Variants in ARHGAP19 observed in about 807,000 individuals in gnomAD.
ARHGAP19 encodes Rho GTPase activating protein 19.
In ARHGAP19, 48 loss-of-function variants were observed where a neutral mutation model predicts 60.9. The ratio of observed to expected loss-of-function variants is 0.79; its 90% CI spans 0.62 to 1.00. ARHGAP19 has a LOEUF of 1.00. Among genes scored for constraint, ARHGAP19 ranks in the 50% least tolerant of loss-of-function variants. The pLI is 0.00. For missense variants in ARHGAP19, 562 were observed against 597.2 expected (o/e 0.94, Z 0.61); for synonymous variants, 209 against 215.5 (o/e 0.97, Z 0.27).
At position 97,223,369 on chromosome 10, in the gene ARHGAP19, T is replaced by C. The variant is rs1228855411; in HGVS notation, c.*2753A>G. The C allele has an allele frequency of 1.3e-5, 2 of 152,200 alleles. No individual in the cohort carries two copies. Among genetic ancestry groups the C allele is most frequent in the East Asian group, 1.9e-4 (1 of 5,194 alleles). The allele number at this position is 152,200 out of a possible 1,614,324, so 9.4% of individuals were successfully genotyped here. ...AGCAGGGTTTTTCACACCAGATTCA[T>C]TGGTCCCAATGCAAAAGTCTATCAT... On this transcript the variant is annotated 3_prime_UTR_variant, in exon 12 of 12. Transcript: ENST00000358531.
In ARHGAP19 at chr10:97,249,981, T is replaced by C. The variant is rs560276652; in HGVS notation, c.928-3644A>G. 8.1e-4 allele frequency among the ~76,000 whole-genome samples: 123 copies of C among 152,180 alleles called. 1 individual carries two copies. The highest frequency in any genetic ancestry group is 1.4e-3 in the South Asian group (7 of 4,828). Reference sequence around the variant, plus strand: ...TTGTATTTTTAGTAGAGACGGGGTTTCACCGTGTTAGCCAGGATGGTCTCG... The same window carrying C: ...TTGTATTTTTAGTAGAGACGGGGTTCCACCGTGTTAGCCAGGATGGTCTCG... On this transcript the variant is annotated intron_variant, in intron 6 of 11. Coordinates refer to ENST00000358531, the MANE Select transcript of ARHGAP19 (RefSeq NM_032900.6).
chr10:97,285,400 C>T (rs561795803), intron 1 of ARHGAP19, among the ~76,000 whole-genome samples: 42 of 151,574 alleles, frequency 2.8e-4, no homozygotes, highest in Admixed American at 9.2e-4. Flanking sequence ...TGGCGGCATT[C>T]TAGCTTATTG....
intron 1 of ARHGAP19, among the ~76,000 whole-genome samples, chr10:97,284,349 C>A (rs1406483237): frequency 2.6e-5 from 4 of 152,128 alleles, no homozygotes; most frequent in Non-Finnish European, 2.9e-5. Context: ...TCTCGAACTA[C>A]TGACCTCAAG....
intron 1 of ARHGAP19, among the ~76,000 whole-genome samples, chr10:97,266,803 T>G (rs1842904326): frequency 6.6e-6 from 1 of 152,120 alleles, no homozygotes; most frequent in Non-Finnish European, 1.5e-5. Context: ...CTCATGAGAC[T>G]TATTCACGCA....
chr10:97,242,601 C>T (rs906267938), intron 8 of ARHGAP19, among the ~76,000 whole-genome samples: 5 of 152,256 alleles, frequency 3.3e-5, no homozygotes, highest in South Asian at 4.1e-4. Context: ...CAACCTCTAC[C>T]TCCTGGGTTC....
intron 8 of ARHGAP19, among the ~76,000 whole-genome samples, chr10:97,243,623 C>A (rs1842520838): frequency 6.6e-6 from 1 of 152,164 alleles, no homozygotes; most frequent in Non-Finnish European, 1.5e-5. Flanking sequence ...ATTTTACAAA[C>A]AAAACTGAAA....
intron 4 of ARHGAP19, among the ~76,000 whole-genome samples, chr10:97,260,209 G>A (rs1337420243): frequency 6.6e-6 from 1 of 151,146 alleles, no homozygotes. Flanking sequence ...AGAAGGCTTT[G>A]TATGCTCAGT....
intron 6 of ARHGAP19, among the ~76,000 whole-genome samples, chr10:97,246,893 T>A (rs1036430965): frequency 6.6e-6 from 1 of 151,878 alleles, no homozygotes; most frequent in Non-Finnish European, 1.5e-5. Flanking sequence ...ATCCCAGCAC[T>A]ATGGGAGGCC....
chr10:97,255,736 G>A (rs1464535794), intron 6 of ARHGAP19, among the ~76,000 whole-genome samples: 8 of 152,074 alleles, frequency 5.3e-5, no homozygotes, highest in African/African-American at 1.9e-4. Context: ...GAGTAAGAGC[G>A]TACCTCACAG....
intron 11 of ARHGAP19, 49 bp downstream of exon 11, chr10:97,229,098 C>T (rs748910200): frequency 2.0e-6 from 3 of 1,497,462 alleles, no homozygotes; most frequent in East Asian, 4.5e-5. Flanking sequence ...TGACTAGATG[C>T]AGAAAGGAAT....
At chr10:97,278,534 G>A (rs538637664) in intron 1 of ARHGAP19, among the ~76,000 whole-genome samples, 1 of 152,266 alleles carries the variant, frequency 6.6e-6, no homozygotes, top group South Asian at 2.1e-4. Context: ...ATTGAGAAGA[G>A]TGTGCCAAAT....
In ARHGAP19 at chr10:97,292,632, G is replaced by A. The variant is rs755455939; in HGVS notation, c.-5C>T. The stretch of plus-strand genomic sequence containing the variant: ...ACTCTGTGCCTCAGTCGCCATCTTC[G>A]TCAGCAAACTTCTTTCACCGCCCCA... On this transcript the variant is annotated 5_prime_UTR_variant, in exon 1 of 12. In the 5' UTR this introduces an upstream ATG that the reference lacks. Transcript: ENST00000358531. 3.7e-6 allele frequency: 6 copies of A among 1,614,052 alleles called. No homozygotes were observed. Among genetic ancestry groups the A allele is most frequent in the African/African-American group, 1.3e-5 (1 of 74,922 alleles).
chr10:97,253,605 C>T (rs1410927261), intron 6 of ARHGAP19, among the ~76,000 whole-genome samples: 2 of 152,040 alleles, frequency 1.3e-5, no homozygotes, highest in African/African-American at 2.4e-5. Context: ...TTAACAACAA[C>T]GTATGGTATA....
intron 7 of ARHGAP19, among the ~76,000 whole-genome samples, chr10:97,244,374 T>A (rs1269880823): frequency 6.6e-6 from 1 of 152,130 alleles, no homozygotes; most frequent in African/African-American, 2.4e-5. Flanking sequence ...CCAGAGAACC[T>A]AAGTGCATTT....
At chr10:97,229,729 C>A in intron 10 of ARHGAP19, 35 bp downstream of exon 10, 3 of 1,414,354 alleles carry the variant, frequency 2.1e-6, no homozygotes, top group Non-Finnish European at 3.0e-6. Flanking sequence ...CAAATATATA[C>A]AGACAGACAG....
At position 97,229,227 on chromosome 10, in the gene ARHGAP19, TG is replaced by T; in HGVS notation, c.1396-3del. 1 of 1,613,072 alleles carries T rather than the reference TG, an allele frequency of 6.2e-7. No individual in the cohort carries two copies. The highest frequency in any genetic ancestry group is 1.1e-5 in the South Asian group (1 of 91,070). ...GACAGCTGGAGAGCCAGAAAATAAC[TG>T]TAATAAGAAAATTGTACAGTGGTTT... is the stretch of plus-strand genomic sequence containing the variant. On this transcript the variant is annotated splice_polypyrimidine_tract_variant and splice_region_variant and intron_variant, in intron 10 of 11. Coordinates refer to ENST00000358531, the MANE Select transcript of ARHGAP19 (RefSeq NM_032900.6).
intron 1 of ARHGAP19, among the ~76,000 whole-genome samples, chr10:97,288,293 T>C (rs1459134771): frequency 2.6e-5 from 4 of 151,652 alleles, no homozygotes; most frequent in Admixed American, 1.3e-4. Context: ...GAAAGATTAA[T>C]CCCTGCAGCC....
chr10:97,288,050 G>A (rs372819240), intron 1 of ARHGAP19, among the ~76,000 whole-genome samples: 7 of 152,112 alleles, frequency 4.6e-5, no homozygotes, highest in South Asian at 4.1e-4. Context: ...CAACAAGAGC[G>A]AAACTCTGTC....
intron 8 of ARHGAP19, among the ~76,000 whole-genome samples, chr10:97,242,624 T>C (rs1042885924): frequency 6.6e-6 from 1 of 152,194 alleles, no homozygotes; most frequent in African/African-American, 2.4e-5. Flanking sequence ...GCAATTCTCC[T>C]GCCTCAGCCT....
Sources: gnomAD v4.1 joint callset for allele counts (sites outside exome capture counted in the v4.1 genomes callset) on GRCh38, gnomAD v4.1.1 for gene constraint, MANE v1.5 for transcripts, NCBI Gene and HGNC (gene_info 2026-07-23, HGNC 2026-07-21) for gene names.